The following OR9Q1 variants were observed in gnomAD, a reference collection of about 807,000 sequenced individuals.
The protein encoded by OR9Q1 is olfactory receptor 9Q1.
For synonymous variants in OR9Q1, 153 were observed against 148.6 expected (o/e 1.03, Z -0.22); for missense variants, 374 against 378.8 (o/e 0.99, Z 0.11).
intron 2 of OR9Q1, among the ~76,000 whole-genome samples, chr11:58,139,716 C>T (rs1854225683): frequency 1.3e-5 from 2 of 152,026 alleles, no homozygotes; most frequent in Non-Finnish European, 2.9e-5. Context: ...CAAGTCTTTG[C>T]TATTGTGAAT....
chr11:58,126,413 G>C (rs1337002033), intron 2 of OR9Q1, among the ~76,000 whole-genome samples: 1 of 152,154 alleles, frequency 6.6e-6, no homozygotes, highest in Non-Finnish European at 1.5e-5. Flanking sequence ...TTTTATTGTA[G>C]GATCAGAACT....
chr11:58,112,760 C>T (rs1853915316), intron 2 of OR9Q1, among the ~76,000 whole-genome samples: 1 of 152,130 alleles, frequency 6.6e-6, no homozygotes, highest in African/African-American at 2.4e-5. Flanking sequence ...AGTTTCTGTG[C>T]CCATATATGT....
intron 2 of OR9Q1, chr11:58,118,526 T>A: frequency 3.1e-6 from 5 of 1,609,126 alleles, no homozygotes; most frequent in Non-Finnish European, 3.4e-6. Context: ...ACCTGGAGTC[T>A]CCTAGCGACC....
At chr11:58,089,210 A>T (rs896278780) in intron 2 of OR9Q1, among the ~76,000 whole-genome samples, 1 of 151,774 alleles carries the variant, frequency 6.6e-6, no homozygotes, top group East Asian at 1.9e-4. Flanking sequence ...TAGTCGTTGA[A>T]GTCTTTTCCC....
chr11:58,130,903 G>A (rs1265693291), intron 2 of OR9Q1, among the ~76,000 whole-genome samples: 1 of 151,724 alleles, frequency 6.6e-6, no homozygotes, highest in Non-Finnish European at 1.5e-5. Context: ...GTCTATAATA[G>A]GACATAATTA....
At chr11:58,103,060 C>T (rs549210978) in intron 2 of OR9Q1, among the ~76,000 whole-genome samples, 2 of 152,144 alleles carry the variant, frequency 1.3e-5, no homozygotes, top group African/African-American at 2.4e-5. Flanking sequence ...TCCATTCTCA[C>T]GTTGCTATAA....
At chr11:58,112,368 A>T (rs1486176274) in intron 2 of OR9Q1, among the ~76,000 whole-genome samples, 1 of 152,200 alleles carries the variant, frequency 6.6e-6, no homozygotes, top group Non-Finnish European at 1.5e-5. Context: ...CAATATGGGA[A>T]CTAAATAAAC....
chr11:58,030,775 T>G (rs561950281), intron 1 of OR9Q1, among the ~76,000 whole-genome samples: 1 of 152,340 alleles, frequency 6.6e-6, no homozygotes, highest in South Asian at 2.1e-4. Flanking sequence ...TAATATTATT[T>G]GTTTTCTCAT....
At chr11:58,081,357 G>A (rs747981583) in intron 2 of OR9Q1, among the ~76,000 whole-genome samples, 12 of 152,074 alleles carry the variant, frequency 7.9e-5, no homozygotes, top group Non-Finnish European at 1.6e-4. Flanking sequence ...TGGGTGAAAT[G>A]GTATTTCTAC....
chr11:58,106,077 C>T (rs575112962), intron 2 of OR9Q1, among the ~76,000 whole-genome samples: 4 of 152,018 alleles, frequency 2.6e-5, no homozygotes, highest in South Asian at 4.2e-4. Flanking sequence ...TTTAACATCC[C>T]CACAAACATG....
At chr11:58,140,433 G>A (rs1471109232) in intron 2 of OR9Q1, among the ~76,000 whole-genome samples, 1 of 152,164 alleles carries the variant, frequency 6.6e-6, no homozygotes, top group Non-Finnish European at 1.5e-5. Context: ...TAACATGTAA[G>A]TCTTTAATTC....
At chr11:58,043,771 C>T (rs1435320146) in intron 1 of OR9Q1, among the ~76,000 whole-genome samples, 4 of 152,118 alleles carry the variant, frequency 2.6e-5, no homozygotes, top group African/African-American at 4.8e-5. Context: ...TTTCACAGCT[C>T]GATGCTTGAA....
intron 2 of OR9Q1, among the ~76,000 whole-genome samples, chr11:58,160,689 A>G (rs1854448946): frequency 6.6e-6 from 1 of 152,122 alleles, no homozygotes; most frequent in Non-Finnish European, 1.5e-5. Context: ...CCAGCCTGAT[A>G]TATATATTTT....
chr11:58,055,718 T>C (rs909034940), intron 1 of OR9Q1, among the ~76,000 whole-genome samples, 152 bp from the exon 2 acceptor site: 1 of 149,018 alleles, frequency 6.7e-6, no homozygotes, highest in Non-Finnish European at 1.5e-5. Context: ...GAGGATTGCC[T>C]GAGCCTGGGA....
chr11:58,137,940 G>C (rs1854204418), intron 2 of OR9Q1, among the ~76,000 whole-genome samples: 1 of 152,156 alleles, frequency 6.6e-6, no homozygotes, highest in African/African-American at 2.4e-5. Context: ...AAGAGCAGAA[G>C]AGAGACCATT....
intron 2 of OR9Q1, among the ~76,000 whole-genome samples, chr11:58,168,115 A>G (rs1472921621): frequency 1.3e-5 from 2 of 152,212 alleles, no homozygotes; most frequent in African/African-American, 4.8e-5. Context: ...AAACTGACAC[A>G]TGATAAACAC....
intron 1 of OR9Q1, among the ~76,000 whole-genome samples, chr11:58,033,454 C>T (rs1853063931): frequency 6.6e-6 from 1 of 152,188 alleles, no homozygotes; most frequent in Non-Finnish European, 1.5e-5. Context: ...TTATATGCAG[C>T]AACATGGATG....
At chr11:58,071,853 C>A (rs1414341480) in intron 2 of OR9Q1, among the ~76,000 whole-genome samples, 1 of 152,152 alleles carries the variant, frequency 6.6e-6, no homozygotes, top group Non-Finnish European at 1.5e-5. Context: ...ACCATTACTA[C>A]TTGCTTATAA....
At chr11:58,087,571 A>C (rs1030023538) in intron 2 of OR9Q1, among the ~76,000 whole-genome samples, 1 of 151,986 alleles carries the variant, frequency 6.6e-6, no homozygotes, top group Non-Finnish European at 1.5e-5. Flanking sequence ...ATCTTACTTT[A>C]AGTTCTGGGA....
Sources: gnomAD v4.1 joint callset for allele counts (sites outside exome capture counted in the v4.1 genomes callset) on GRCh38, gnomAD v4.1.1 for gene constraint, MANE v1.5 for transcripts, NCBI Gene and HGNC (gene_info 2026-07-23, HGNC 2026-07-21) for gene names.